ASXL3: variants seen among roughly 807,000 people sequenced by gnomAD.
ASXL3 encodes ASXL transcriptional regulator 3.
A neutral mutation model predicts 170.6 loss-of-function variants in ASXL3; 34 were observed. That is an observed-to-expected ratio of 0.20 (90% CI 0.15 to 0.27). The LOEUF (loss-of-function observed/expected upper bound fraction) is 0.27. Ranked by LOEUF, ASXL3 falls within the 10% of genes least tolerant of loss-of-function variation. The pLI, the probability that ASXL3 is intolerant of heterozygous loss-of-function variation, is 1.00. For missense variants in ASXL3, 2,592 were observed against 2,695.3 expected, an observed-to-expected ratio of 0.96 and a Z score of 0.85; for synonymous variants, 1,002 against 989.1, an observed-to-expected ratio of 1.01 and a Z score of -0.24.
At chr18:33,700,006 A>T (rs1176772228) in intron 8 of ASXL3, among the ~76,000 whole-genome samples, 1 of 152,044 alleles carries the variant, frequency 6.6e-6, no homozygotes. Flanking sequence ...AGAAATCCAG[A>T]TTGGAGTTAA....
At chr18:33,641,229 T>G (rs2065841849) in intron 2 of ASXL3, among the ~76,000 whole-genome samples, 1 of 152,112 alleles carries the variant, frequency 6.6e-6, no homozygotes, top group African/African-American at 2.4e-5. Context: ...ATAGTTTTTC[T>G]GTATTTCACA....
At chr18:33,597,426 G>A (rs2145107069) in intron 1 of ASXL3, among the ~76,000 whole-genome samples, 1 of 151,920 alleles carries the variant, frequency 6.6e-6, no homozygotes, top group South Asian at 2.1e-4. Context: ...TTATTTTATG[G>A]TATGTATGTA....
chr18:33,614,711 T>G (rs1209471806), intron 2 of ASXL3: 1 of 152,324 alleles, frequency 6.6e-6, no homozygotes, highest in African/African-American at 2.4e-5. Flanking sequence ...GACTGCAGAA[T>G]AGATGTTATC....
At position 33,744,352 on chromosome 18, in the gene ASXL3, G is replaced by T. The variant is rs1203295062; in HGVS notation, c.4504G>T (p.Gly1502Cys). 2.5e-6 allele frequency: 4 copies of T among 1,613,926 alleles called. No individual in the cohort carries two copies. Among genetic ancestry groups the T allele is most frequent in the Non-Finnish European group, 3.4e-6 (4 of 1,179,858 alleles). Residue 1502 changes from glycine (G) to cysteine (C), a missense_variant, in exon 12 of 12, where the codon GGC (glycine) becomes TGC (cysteine). By Grantham distance (159) the Gly-to-Cys change is radical. Around this residue, in one of 4 missense-constraint regions of ASXL3, gnomAD observed 2,246 missense variants for 2,219.6 expected, o/e 1.01. Transcript: ENST00000269197. The stretch of plus-strand genomic sequence containing the variant: ...CTCAGAAGCCAGCTTGGACCTGCAG[G>T]GCAGACCAGTGAGGACAGAGGCATC... ...ESSEASLDLQGRPVRTEASVQ... is the reference protein window; with the variant it reads ...ESSEASLDLQCRPVRTEASVQ...
intron 2 of ASXL3, among the ~76,000 whole-genome samples, chr18:33,624,557 C>T (rs1028604949): frequency 2.0e-5 from 3 of 151,974 alleles, no homozygotes; most frequent in Non-Finnish European, 1.5e-5. Context: ...GCTTTCCCAC[C>T]GTCCATACTC....
rs764844230 is a variant in ASXL3, at chr18:33,746,565, A to G, written c.6717A>G (p.Lys2239=). 3.8e-6 allele frequency: 6 copies of G among 1,595,316 alleles called. No individual in the cohort carries two copies. Among genetic ancestry groups the G allele is most frequent in the Non-Finnish European group, 4.3e-6 (5 of 1,167,310 alleles). ...ATGACGACTGCATAGGTCCTTCAAA[A>G]CTTTGTGTAGCATGCCTGGTTGTAC... ...FCHDDCIGPS[K]LCVACLVVR Residue 2239 remains lysine (K), a synonymous_variant, in exon 12 of 12, where the codon AAA becomes AAG. Transcript: ENST00000269197.
chr18:33,682,549 T>G (rs1280937944), intron 7 of ASXL3, among the ~76,000 whole-genome samples: 1 of 152,070 alleles, frequency 6.6e-6, no homozygotes, highest in African/African-American at 2.4e-5. Context: ...GCTAATTTAT[T>G]TGTATTTTTT....
chr18:33,715,997 G>T (rs187414344), intron 8 of ASXL3, among the ~76,000 whole-genome samples: 1 of 152,176 alleles, frequency 6.6e-6, no homozygotes, highest in Non-Finnish European at 1.5e-5. Context: ...TTGAGTGTCA[G>T]TCATGTCAAG....
At chr18:33,638,693 G>A (rs2065805398) in intron 2 of ASXL3, among the ~76,000 whole-genome samples, 1 of 152,132 alleles carries the variant, frequency 6.6e-6, no homozygotes, top group South Asian at 2.1e-4. Flanking sequence ...TCACTTAGTT[G>A]TTATCTGACT....
At chr18:33,624,520 G>A (rs567201563) in intron 2 of ASXL3, among the ~76,000 whole-genome samples, 24 of 152,158 alleles carry the variant, frequency 1.6e-4, no homozygotes, top group Admixed American at 1.2e-3. Flanking sequence ...CCTTCTGAAT[G>A]TATGATATTG....
rs538724245 is a variant in ASXL3, at chr18:33,635,144, AC to A, written c.138-9749del. ...TTAGAAAGCTAATAGTCAAACTATT[AC>A]TAATTGCCCTTAAAACCTTAACCAG... is the stretch of plus-strand genomic sequence containing the variant. On this transcript the variant is annotated intron_variant, in intron 2 of 11. Transcript: ENST00000269197. Among the ~76,000 whole-genome samples the A allele has an allele frequency of 2.0e-4, 31 of 152,332 alleles. 1 individual carries two copies. The South Asian group carries it at 6.4e-3, about 32-fold the overall frequency.
At position 33,750,184 on chromosome 18, in the gene ASXL3, C is replaced by T. The variant is rs539202864; in HGVS notation, c.*3589C>T. 6.6e-6 allele frequency: 1 copy of T among 152,278 alleles called. No homozygotes were observed. The highest frequency in any genetic ancestry group is 2.1e-4 in the South Asian group (1 of 4,826). The allele number at this position is 152,278 out of a possible 1,614,324, so 9.4% of individuals were successfully genotyped here. On this transcript the variant is annotated 3_prime_UTR_variant, in exon 12 of 12. Coordinates refer to ENST00000269197, the MANE Select transcript of ASXL3 (RefSeq NM_030632.3). ...TTCCCAGAGAACAATTGTGAAGAGT[C>T]CTAGAACAGGAACTCTGAATCAGAC...
intron 1 of ASXL3, among the ~76,000 whole-genome samples, chr18:33,583,647 G>A (rs982322831): frequency 6.6e-6 from 1 of 151,992 alleles, no homozygotes; most frequent in African/African-American, 2.4e-5. Context: ...ATTTCCTGCC[G>A]ACATTAAGTT....
intron 5 of ASXL3, among the ~76,000 whole-genome samples, chr18:33,670,153 T>C (rs965433143): frequency 1.3e-5 from 2 of 152,122 alleles, no homozygotes; most frequent in Non-Finnish European, 2.9e-5. Flanking sequence ...ATTCCTGCCA[T>C]GTTGAGTGAT....
rs936991911 is a variant in ASXL3 at position 33,749,706 on chromosome 18, C to T, written c.*3111C>T. ...GAGCACCATAGTTATATAATATTTC[C>T]CTGCGAAGGTCTAGTTTGAAGAAAA... On this transcript the variant is annotated 3_prime_UTR_variant, in exon 12 of 12. Transcript: ENST00000269197. The T allele has an allele frequency of 2.0e-5, 3 of 151,590 alleles. No homozygotes were observed. Among genetic ancestry groups the T allele is most frequent in the Non-Finnish European group, 4.4e-5 (3 of 67,932 alleles). 9.4% of individuals were successfully genotyped at this position (151,590 alleles called of 1,614,324 possible).
rs770232510 is a variant in ASXL3, at chr18:33,739,130, T to G, written c.1726T>G (p.Ser576Ala). The stretch of plus-strand genomic sequence containing the variant: ...CAGTACCCCCAAAATAAAAACAGGG[T>G]CATCTTCTCTAGAAGGCCAGTTTCC... ...ETSTPKIKTG[S>A]SSLEGQFPNE... The change falls in exon 11 of 12, where the codon TCA becomes GCA. Residue 576 changes from serine (S) to alanine (A), a missense_variant. Physicochemically the swap from Ser to Ala is moderately conservative, Grantham distance 99 (BLOSUM62 1). This residue lies in a region of ASXL3 where 2,246 missense variants were observed against 2,219.6 expected (regional missense o/e 1.01). Coordinates refer to ENST00000269197, the MANE Select transcript of ASXL3 (RefSeq NM_030632.3). 2.5e-6 allele frequency: 4 copies of G among 1,613,326 alleles called. No individual in the cohort carries two copies. Among genetic ancestry groups the G allele is most frequent in the Non-Finnish European group, 3.4e-6 (4 of 1,179,620 alleles).
chr18:33,710,986 TTTCTC>T (rs1599527324), intron 8 of ASXL3, among the ~76,000 whole-genome samples: 1 of 152,184 alleles, frequency 6.6e-6, no homozygotes, highest in South Asian at 2.1e-4. Flanking sequence ...ATTGTACTCT[TTTCTC>T]TAAGGTTGAT....
chr18:33,598,064 A>G (rs888140506), intron 1 of ASXL3, among the ~76,000 whole-genome samples: 8 of 152,112 alleles, frequency 5.3e-5, no homozygotes, highest in Non-Finnish European at 8.8e-5. Flanking sequence ...GTCTGTTTCC[A>G]TAAGGACAGG....
chr18:33,647,448 C>T (rs965937265), intron 4 of ASXL3, among the ~76,000 whole-genome samples: 1 of 152,070 alleles, frequency 6.6e-6, no homozygotes, highest in African/African-American at 2.4e-5. Flanking sequence ...TCCCTATTCC[C>T]AGGCTTTTTG....
Sources: allele counts gnomAD v4.1 joint callset (sites outside exome capture counted in the v4.1 genomes callset), GRCh38; gene constraint gnomAD v4.1.1; regional missense constraint gnomAD v4.1.1; transcripts MANE v1.5; gene names NCBI Gene and HGNC (gene_info 2026-07-23, HGNC 2026-07-21).